The following MYO1H variants were observed in gnomAD, a reference collection of about 807,000 sequenced individuals.
MYO1H encodes unconventional myosin-Ih.
Under a neutral mutation model 149.3 loss-of-function variants are expected in MYO1H, and 118 were observed. The ratio of observed to expected loss-of-function variants is 0.79; its 90% confidence interval spans 0.68 to 0.92. The LOEUF (loss-of-function observed/expected upper bound fraction) is 0.92, where lower values mean the gene tolerates loss of function less well. Among genes scored for constraint, MYO1H ranks in the 40% least tolerant of loss-of-function variants. MYO1H has a pLI of 0.00. For missense variants in MYO1H, 1,212 were observed against 1,280.7 expected (o/e 0.95, Z 0.82); for synonymous variants, 447 against 465.2 (o/e 0.96, Z 0.50).
chr12:109,401,464 G>A (rs1181013551), intron 6 of MYO1H, 192 bp downstream of exon 6: 10 of 555,114 alleles, frequency 1.8e-5, no homozygotes, highest in Non-Finnish European at 6.1e-6. Context: ...ATATCACCTT[G>A]GTAAAGTAAC....
the MYO1H span, among the ~76,000 whole-genome samples, chr12:109,341,805 C>G: frequency 6.6e-6 from 1 of 152,144 alleles, no homozygotes; most frequent in African/African-American, 2.4e-5. Flanking sequence ...TGTTTGACTC[C>G]CTGGGTTATT....
intron 30 of MYO1H, 34 bp from the exon 31 acceptor site, chr12:109,445,479 T>G: frequency 6.8e-7 from 1 of 1,474,926 alleles, no homozygotes; most frequent in Non-Finnish European, 9.4e-7. Flanking sequence ...GAAAATACAG[T>G]ATGTCAGTAA....
intron 10 of MYO1H, among the ~76,000 whole-genome samples, chr12:109,409,246 C>CTTTTTTTTTTTTTTTTTTTTTTTTTTT (rs66507410): frequency 8.4e-5 from 4 of 47,840 alleles, no homozygotes; most frequent in South Asian, 9.4e-4. Context: ...TCTTCTTCTT[C>CTTTTTTTTTTTTTTTTTTTTTTTTTTT]TTTTTTTTTT....
At chr12:109,353,595 A>T in intron 1 of MYO1H, among the ~76,000 whole-genome samples, 2 of 152,268 alleles carry the variant, frequency 1.3e-5, no homozygotes, top group Middle Eastern at 6.8e-3. Context: ...AACAATATAT[A>T]AAATGTTATC....
rs1253548113 is a variant in MYO1H, at chr12:109,443,353, T to TACACAC, written c.2689-160_2689-159insCACACA. Reference sequence around the variant, plus strand: ...GTATGTGTACGTATATATGTGTGTATATACACACACACACACACACACACA... The same window carrying TACACAC: ...GTATGTGTACGTATATATGTGTGTATACACACATACACACACACACACACACACACA... On this transcript the variant is annotated intron_variant, in intron 27 of 31. Coordinates refer to ENST00000310903, the Ensembl canonical transcript of MYO1H. 2.5e-4 allele frequency among the ~76,000 whole-genome samples: 23 copies of TACACAC among 92,016 alleles called. 3 individuals are homozygous for TACACAC. Among genetic ancestry groups the TACACAC allele is most frequent in the African/African-American group, 5.7e-4 (11 of 19,286 alleles). 60.4% of individuals were successfully genotyped at this position (92,016 alleles called of 152,430 possible).
At position 109,443,059 on chromosome 12, in the gene MYO1H, CGT is replaced by C. The variant is rs1566044770; in HGVS notation, c.2689-454_2689-453del. 3.9e-4 allele frequency among the ~76,000 whole-genome samples: 16 copies of C among 41,348 alleles called. 4 individuals are homozygous for C. Among genetic ancestry groups the C allele is most frequent in the African/African-American group, 1.7e-3 (13 of 7,484 alleles). 27.1% of individuals were successfully genotyped at this position (41,348 alleles called of 152,430 possible). ...GTGTGTGTGTGTGTATATATGTGTA[CGT>C]ATGTGTGTATATATGTGTACGTATG... is the stretch of plus-strand genomic sequence containing the variant. On this transcript the variant is annotated intron_variant, in intron 27 of 31. Coordinates refer to ENST00000310903, the Ensembl canonical transcript of MYO1H.
At chr12:109,319,813 A>G in the MYO1H span, among the ~76,000 whole-genome samples, 1 of 152,172 alleles carries the variant, frequency 6.6e-6, no homozygotes, top group African/African-American at 2.4e-5. Context: ...CATAACGAGC[A>G]AAACTACCTC....
At chr12:109,406,898 C>T (rs761953152) in intron 9 of MYO1H, 38 bp downstream of exon 9, 1 of 1,538,078 alleles carries the variant, frequency 6.5e-7, no homozygotes, top group East Asian at 2.3e-5. Context: ...CCAGCCCTCC[C>T]TGCTGCTGCT....
the MYO1H span, among the ~76,000 whole-genome samples, chr12:109,322,449 T>G: frequency 0.038 from 5,828 of 152,250 alleles, 309 homozygotes; most frequent in East Asian, 0.15. Flanking sequence ...ATATTTTCAG[T>G]GGGGTCACAG....
exon 5 of MYO1H, chr12:109,397,791 G>A: frequency 6.2e-7 from 1 of 1,610,186 alleles, no homozygotes; most frequent in African/African-American, 1.3e-5. Flanking sequence ...GGAAATACAT[G>A]GATATACAAT....
the MYO1H span, among the ~76,000 whole-genome samples, chr12:109,318,967 G>GTTTTTTTTT: frequency 3.4e-3 from 270 of 79,586 alleles, 22 homozygotes; most frequent in Middle Eastern, 8.5e-3. Context: ...TGCGTTTTTG[G>GTTTTTTTTT]TTTTGTTTTT....
the MYO1H span, among the ~76,000 whole-genome samples, chr12:109,313,608 C>T: frequency 6.6e-6 from 1 of 152,154 alleles, no homozygotes; most frequent in Non-Finnish European, 1.5e-5. Context: ...GAAGGGAATG[C>T]TCTAATGTCT....
chr12:109,363,336 A>G (rs749924320), intron 1 of MYO1H, among the ~76,000 whole-genome samples: 9 of 152,138 alleles, frequency 5.9e-5, no homozygotes, highest in Non-Finnish European at 1.2e-4. Flanking sequence ...TTCTTTCTCC[A>G]TGCCCCTGAA....
intron 6 of MYO1H, among the ~76,000 whole-genome samples, chr12:109,402,572 G>T (rs1331943167): frequency 6.6e-6 from 1 of 152,022 alleles, no homozygotes; most frequent in African/African-American, 2.4e-5. Flanking sequence ...ATTTAAGACC[G>T]GCCTGGGCAA....
chr12:109,314,243 A>G, the MYO1H span, among the ~76,000 whole-genome samples: 1 of 151,230 alleles, frequency 6.6e-6, no homozygotes, highest in South Asian at 2.1e-4. Flanking sequence ...TTTTAAAAAA[A>G]AAAATCTGGG....
rs2196612 is a variant in MYO1H, at chr12:109,411,730, A to C, written c.1411-164A>C. ...TCCCCTTATCAAATCTTAGAAGCCA[A>C]ACACATGGATTAAGCCCTTCTTCCC... On this transcript the variant is annotated intron_variant, in intron 13 of 31. Transcript: ENST00000310903. Among the ~76,000 whole-genome samples the C allele has an allele frequency of 5.3e-5, 8 of 151,706 alleles. No individual in the cohort carries two copies. The South Asian group carries it at 6.2e-4, about 12-fold the overall frequency.
chr12:109,402,548 G>A (rs370793916), intron 6 of MYO1H, among the ~76,000 whole-genome samples: 19 of 152,242 alleles, frequency 1.2e-4, no homozygotes, highest in East Asian at 9.7e-4. Context: ...CAGGAGGATC[G>A]CTTGAGTCCA....
intron 3 of MYO1H, among the ~76,000 whole-genome samples, chr12:109,395,848 G>GT (rs1023488284): frequency 5.3e-5 from 8 of 151,540 alleles, no homozygotes; most frequent in African/African-American, 1.5e-4. Flanking sequence ...AGGATTTTTT[G>GT]TTTTTTTGTT....
intron 31 of MYO1H, chr12:109,446,119 G>A (rs189613300): frequency 7.0e-5 from 69 of 985,454 alleles, no homozygotes; most frequent in Non-Finnish European, 2.8e-5. Context: ...GAATACATGT[G>A]TCAAAGGCTG....
Sources: gnomAD v4.1 joint callset for allele counts (sites outside exome capture counted in the v4.1 genomes callset) on GRCh38, gnomAD v4.1.1 for gene constraint, MANE v1.5 for transcripts, NCBI Gene and HGNC (gene_info 2026-07-23, HGNC 2026-07-21) for gene names.